The following FUT8 variants were observed in gnomAD, a reference collection of about 807,000 sequenced individuals.
FUT8 encodes the protein alpha-(1,6)-fucosyltransferase.
FUT8 carries 29 observed loss-of-function variants against 71.3 expected under a neutral mutation model. That is an observed-to-expected ratio of 0.41 (90% CI 0.30 to 0.55). The LOEUF (loss-of-function observed/expected upper bound fraction) is 0.55, where lower values mean the gene tolerates loss of function less well. Ranked by LOEUF, FUT8 falls within the 20% of genes least tolerant of loss-of-function variation. The probability of loss-of-function intolerance (pLI) is 0.34; values close to 1 mark genes in which losing one functional copy is unlikely to be tolerated. For missense variants in FUT8, 544 were observed against 702.1 expected (o/e 0.77, Z 2.55); for synonymous variants, 254 against 239.3 (o/e 1.06, Z -0.57).
chr14:65,537,291 A>G (rs912402064), intron 2 of FUT8, among the ~76,000 whole-genome samples: 6 of 151,690 alleles, frequency 4.0e-5, no homozygotes, highest in Admixed American at 2.6e-4. Flanking sequence ...CTTGCTGGAG[A>G]ACTAGTGTAG....
chr14:65,682,214 C>T (rs1893069471), intron 7 of FUT8, among the ~76,000 whole-genome samples: 1 of 152,080 alleles, frequency 6.6e-6, no homozygotes, highest in Non-Finnish European at 1.5e-5. Context: ...AACAAGAATC[C>T]CAAGGGGGCC....
chr14:65,736,168 A>G (rs1378657945), intron 10 of FUT8, among the ~76,000 whole-genome samples: 1 of 152,120 alleles, frequency 6.6e-6, no homozygotes, highest in African/African-American at 2.4e-5. Context: ...AAATAATAGT[A>G]CCTATAGTAT....
chr14:65,478,712 A>G (rs938407377), intron 2 of FUT8, among the ~76,000 whole-genome samples: 6 of 152,166 alleles, frequency 3.9e-5, no homozygotes, highest in Non-Finnish European at 8.8e-5. Flanking sequence ...ACTAGAAACC[A>G]CCTAAGTAAT....
intron 2 of FUT8, among the ~76,000 whole-genome samples, chr14:65,457,681 C>T (rs56156482): frequency 0.14 from 20,995 of 152,018 alleles, 2,008 homozygotes; most frequent in East Asian, 0.48. Flanking sequence ...GGGTACGTGA[C>T]AGGGGCTGCA....
chr14:65,619,920 A>G (rs1889511043), intron 5 of FUT8, among the ~76,000 whole-genome samples: 1 of 152,122 alleles, frequency 6.6e-6, no homozygotes, highest in African/African-American at 2.4e-5. Context: ...TGGTTTTACC[A>G]TTTATCTTGT....
intron 1 of FUT8, among the ~76,000 whole-genome samples, chr14:65,428,464 A>G (rs1453663337): frequency 1.3e-5 from 2 of 152,114 alleles, no homozygotes; most frequent in East Asian, 1.9e-4. Flanking sequence ...CCAGACACCA[A>G]ACCTTGATCT....
rs562123413 is a variant in FUT8 at position 65,621,352 on chromosome 14, C to T, written c.482+4979C>T. On this transcript the variant is annotated intron_variant, in intron 5 of 10. Transcript: ENST00000673929. Reference sequence around the variant, plus strand: ...GCAAGCTCTGCCTCCCGGATTCAAGCGATTCTCCTGCCTCAGCCTCCTGAG... The same window carrying T: ...GCAAGCTCTGCCTCCCGGATTCAAGTGATTCTCCTGCCTCAGCCTCCTGAG... Among the ~76,000 whole-genome samples the T allele has an allele frequency of 5.9e-5, 9 of 151,816 alleles. No homozygotes were observed. In the South Asian group the frequency reaches 1.7e-3, roughly 28 times the overall value.
At chr14:65,599,001 G>C (rs1193886912) in intron 3 of FUT8, among the ~76,000 whole-genome samples, 1 of 152,066 alleles carries the variant, frequency 6.6e-6, no homozygotes, top group Non-Finnish European at 1.5e-5. Context: ...ACGTCAGCCA[G>C]GATGGTCTCG....
intron 2 of FUT8, among the ~76,000 whole-genome samples, chr14:65,504,648 CGTT>C (rs1265834347): frequency 2.0e-5 from 3 of 152,164 alleles, no homozygotes; most frequent in African/African-American, 4.8e-5. Context: ...ACTCAGAAAA[CGTT>C]GTGTTCTCCT....
intron 3 of FUT8, among the ~76,000 whole-genome samples, chr14:65,579,797 G>C (rs1886977539): frequency 6.6e-6 from 1 of 152,060 alleles, no homozygotes; most frequent in Admixed American, 6.6e-5. Context: ...CCAGATCTAA[G>C]CTGATTTCTT....
intron 7 of FUT8, among the ~76,000 whole-genome samples, chr14:65,702,905 C>T (rs867796751): frequency 2.0e-5 from 3 of 152,138 alleles, no homozygotes; most frequent in Non-Finnish European, 4.4e-5. Flanking sequence ...TGCCACCACG[C>T]CCAGCTAATT....
chr14:65,396,184 T>G, the FUT8 span, among the ~76,000 whole-genome samples: 5 of 152,228 alleles, frequency 3.3e-5, no homozygotes. This position sits in a 1 kb window ranked among gnomAD's most constrained non-coding sequence, Gnocchi z 5.5. Context: ...CATTTTCGTC[T>G]TCTTCTGAGC....
intron 1 of FUT8, among the ~76,000 whole-genome samples, chr14:65,433,902 C>T (rs1052008256): frequency 3.9e-5 from 6 of 151,970 alleles, no homozygotes; most frequent in Non-Finnish European, 5.9e-5. Flanking sequence ...GGCCTCAAGC[C>T]GTCCTCCTGC....
chr14:65,430,641 G>T (rs1195401852), intron 1 of FUT8, among the ~76,000 whole-genome samples: 3 of 152,110 alleles, frequency 2.0e-5, no homozygotes. Context: ...AGACATTAAG[G>T]ATTTCTTGTG....
At chr14:65,583,646 C>CAAA (rs5809282) in intron 3 of FUT8, among the ~76,000 whole-genome samples, 10 of 141,330 alleles carry the variant, frequency 7.1e-5, no homozygotes, top group Non-Finnish European at 7.6e-5. Flanking sequence ...AAATAATAAG[C>CAAA]AAAAAAAAAA....
intron 2 of FUT8, among the ~76,000 whole-genome samples, chr14:65,546,185 A>G (rs922896745): frequency 3.3e-5 from 5 of 151,756 alleles, no homozygotes; most frequent in African/African-American, 9.7e-5. Flanking sequence ...TGTAACTGTC[A>G]TTTCCTTTCT....
intron 2 of FUT8, among the ~76,000 whole-genome samples, chr14:65,511,215 C>T (rs1291465319): frequency 3.9e-5 from 6 of 152,022 alleles, no homozygotes; most frequent in African/African-American, 1.4e-4. Flanking sequence ...TGTATAGTTT[C>T]CAAAATTCCC....
chr14:65,669,158 G>A lies in FUT8; in HGVS notation c.598-85G>A. On this transcript the variant is annotated intron_variant, in intron 6 of 10. Transcript: ENST00000673929. This position sits in a 1 kb window ranked among gnomAD's most constrained non-coding sequence, Gnocchi z 4.5. ...AGAACAAACCTGCATGTGTACCCCT[G>A]AAGATGAAAGATTAAAAAAAAAAAA... 1 of 999,092 alleles carries A rather than the reference G, an allele frequency of 1.0e-6. No individual in the cohort carries two copies. The highest frequency in any genetic ancestry group is 2.3e-5 in the Admixed American group (1 of 43,864). The allele number at this position is 999,092 out of a possible 1,614,324, so 61.9% of individuals were successfully genotyped here.
chr14:65,561,893 A>G (rs954464612), intron 3 of FUT8, 127 bp downstream of exon 3: 2 of 763,092 alleles, frequency 2.6e-6, no homozygotes, highest in East Asian at 2.7e-5. Context: ...ACAACTTAGC[A>G]TGACAGTTTT....
Sources: gnomAD v4.1 joint callset for allele counts (sites outside exome capture counted in the v4.1 genomes callset) on GRCh38, gnomAD v4.1.1 for gene constraint, Gnocchi (gnomAD v3.1) non-coding constraint, MANE v1.5 for transcripts, NCBI Gene and HGNC (gene_info 2026-07-23, HGNC 2026-07-21) for gene names.